Variants in SERHL2 observed in about 807,000 individuals in gnomAD.
SERHL2 encodes serine hydrolase like 2.
SERHL2 carries 29 observed loss-of-function variants against 25.5 expected under a neutral mutation model. The observed-to-expected ratio is 1.14, with a 90% CI of 0.85 to 1.55. The LOEUF is 1.55. Ranked by LOEUF, SERHL2 falls within the 40% of genes most tolerant of loss-of-function variation. The pLI is 0.00. For missense variants in SERHL2, 240 were observed against 252.3 expected, an observed-to-expected ratio of 0.95 and a Z score of 0.33; for synonymous variants, 95 against 103.5, an observed-to-expected ratio of 0.92 and a Z score of 0.50.
At chr22:42,565,706 G>A (rs893647452) in intron 8 of SERHL2, among the ~76,000 whole-genome samples, 7 of 151,550 alleles carry the variant, frequency 4.6e-5, no homozygotes, top group East Asian at 1.9e-4. Context: ...CTCCCACTTC[G>A]GCCTCCCAAA....
intron 8 of SERHL2, among the ~76,000 whole-genome samples, chr22:42,564,716 C>T (rs1039055862): frequency 6.6e-6 from 1 of 151,956 alleles, no homozygotes; most frequent in African/African-American, 2.4e-5. Context: ...CAGGTGTGAG[C>T]CACCGCACCC....
chr22:42,565,200 C>T lies in SERHL2; in HGVS notation c.614-1104C>T, dbSNP rs539565915. 6 of 153,052 alleles carry T rather than the reference C, an allele frequency of 3.9e-5. No homozygotes were observed. In the East Asian group the frequency reaches 1.2e-3, roughly 29 times the overall value. 9.5% of individuals were successfully genotyped at this position (153,052 alleles called of 1,614,324 possible). On this transcript the variant is annotated intron_variant, in intron 8 of 11. Coordinates refer to ENST00000327678, the MANE Select transcript of SERHL2 (RefSeq NM_014509.5). ...GATGGTCGTCCTCTTCGACCGAGTG[C>T]ACAGTTTCGGGAGGGACGCACATGG...
chr22:42,571,104 T>G lies in SERHL2; in HGVS notation c.649-17T>G. The G allele has an allele frequency of 6.2e-7, 1 of 1,613,232 alleles. No individual in the cohort carries two copies. On this transcript the variant is annotated splice_polypyrimidine_tract_variant and intron_variant, in intron 9 of 11. Coordinates refer to ENST00000327678, the MANE Select transcript of SERHL2 (RefSeq NM_014509.5). ...TGTGCCTTGTGACGAGAATTCACCA[T>G]GTTTTTGTCTCTGCAGGCAGAGAAC...
At chr22:42,571,937 CGG>C (rs1168621363) in intron 10 of SERHL2, 1 of 5,574 alleles carries the variant, frequency 1.8e-4, no homozygotes, top group Non-Finnish European at 3.2e-4. Flanking sequence ...CTGTTGGGGG[CGG>C]GGGGCGGGGG....
chr22:42,563,349 G>A (rs1922935655), intron 8 of SERHL2: 2 of 382,008 alleles, frequency 5.2e-6, no homozygotes, highest in South Asian at 3.8e-5. Flanking sequence ...GACCACAAGT[G>A]TGCAGACCAC....
chr22:42,573,393 G>T (rs142663021), intron 11 of SERHL2: 3,626 of 152,534 alleles, frequency 0.024, 149 homozygotes, highest in African/African-American at 0.083. Context: ...ACAGGCGCCC[G>T]CCACCACGCC....
At position 42,567,679 on chromosome 22, in the gene SERHL2, AAT is replaced by A. The variant is rs200140550; in HGVS notation, c.648+1343_648+1344del. Among the ~76,000 whole-genome samples the A allele has an allele frequency of 8.3e-5, 10 of 119,830 alleles. No homozygotes were observed. In the East Asian group the frequency reaches 5.8e-3, roughly 70 times the overall value. 78.6% of individuals were successfully genotyped at this position (119,830 alleles called of 152,430 possible). ...GAGCGAGACTCCATGTCAAAAAAAAAATAAATAAATAAAAAAAATAAAAGTTC... is the reference window on the plus strand; with the variant it reads ...GAGCGAGACTCCATGTCAAAAAAAAAAAATAAATAAAAAAAATAAAAGTTC... On this transcript the variant is annotated intron_variant, in intron 9 of 11. Transcript: ENST00000327678.
At chr22:42,567,647 G>A (rs1053844632) in intron 9 of SERHL2, among the ~76,000 whole-genome samples, 10 of 151,068 alleles carry the variant, frequency 6.6e-5, no homozygotes, top group African/African-American at 1.9e-4. Context: ...GTCCGGCCTG[G>A]GCGACAGAGC....
Position 42,572,461 on chromosome 22 carries a change from A to G in SERHL2, c.757A>G (p.Arg253Gly), listed in dbSNP as rs1471688121. ...IKAVHGYFDS[R>G]QNYSEKESLS... The stretch of plus-strand genomic sequence containing the variant: ...AGCAGTCCACGGATATTTTGATTCA[A>G]GACAGAATTACTCTGAGAAGGAGTC... Residue 253 changes from arginine (R) to glycine (G), a missense_variant, in exon 11 of 12, where the codon AGA (arginine) becomes GGA (glycine). This residue lies in a region of SERHL2 where 212 missense variants were observed against 168.9 expected (regional missense o/e 1.25). Coordinates refer to ENST00000327678, the MANE Select transcript of SERHL2 (RefSeq NM_014509.5). The G allele has an allele frequency of 1.2e-6, 2 of 1,611,708 alleles. No individual in the cohort carries two copies. The highest frequency in any genetic ancestry group is 1.7e-4 in the Middle Eastern group (1 of 6,058).
At position 42,574,095 on chromosome 22, in the gene SERHL2, T is replaced by A. The variant is rs1291029949; in HGVS notation, c.*40T>A. On this transcript the variant is annotated 3_prime_UTR_variant, in exon 12 of 12. Transcript: ENST00000327678. Reference sequence around the variant, plus strand: ...CTATGAAGACCTAGTGCTCCCAGACTCAACACTGGGACTCTGAGTTCCTGA... The same window carrying A: ...CTATGAAGACCTAGTGCTCCCAGACACAACACTGGGACTCTGAGTTCCTGA... 1.3e-6 allele frequency: 2 copies of A among 1,587,152 alleles called. No individual in the cohort carries two copies. The highest frequency in any genetic ancestry group is 3.3e-5 in the Admixed American group (2 of 59,760).
At chr22:42,570,287 C>G (rs567667799) in intron 9 of SERHL2, among the ~76,000 whole-genome samples, 1 of 152,038 alleles carries the variant, frequency 6.6e-6, no homozygotes, top group East Asian at 1.9e-4. Context: ...CCTGGTGGCG[C>G]ATGCCTGTAA....
intron 8 of SERHL2, 72 bp from the exon 9 acceptor site, chr22:42,566,232 G>C: frequency 6.7e-7 from 1 of 1,502,952 alleles, no homozygotes; most frequent in Non-Finnish European, 9.2e-7. Flanking sequence ...GAGGGTTCCA[G>C]CAAAGTCACG....
chr22:42,572,619 C>G, intron 11 of SERHL2, 90 bp downstream of exon 11: 1 of 1,529,474 alleles, frequency 6.5e-7, no homozygotes, highest in South Asian at 1.2e-5. Context: ...TGGGAAGACC[C>G]TGGGTCTGCC....
chr22:42,569,350 C>G (rs984643187), intron 9 of SERHL2: 10 of 151,644 alleles, frequency 6.6e-5, no homozygotes, highest in Admixed American at 6.6e-4. Flanking sequence ...CTTCTGCCTC[C>G]CGGGTTCAAG....
At chr22:42,559,229 T>TAAAAAAAAAAAAAAAA (rs1194822216) in intron 7 of SERHL2, among the ~76,000 whole-genome samples, 10 of 69,314 alleles carry the variant, frequency 1.4e-4, no homozygotes, top group East Asian at 1.2e-3. Flanking sequence ...ACCCTGTATT[T>TAAAAAAAAAAAAAAAA]AAAAAAAAAA....
intron 9 of SERHL2, among the ~76,000 whole-genome samples, chr22:42,566,712 A>G (rs1923442408): frequency 6.6e-6 from 1 of 152,188 alleles, no homozygotes; most frequent in East Asian, 1.9e-4. Flanking sequence ...GCACAGGGAA[A>G]AGCTCGAAGT....
intron 8 of SERHL2, among the ~76,000 whole-genome samples, chr22:42,561,066 C>T (rs927307708): frequency 6.6e-6 from 1 of 151,802 alleles, no homozygotes; most frequent in African/African-American, 2.4e-5. Context: ...AGAGTCTGGG[C>T]AGAGGCCTAG....
At chr22:42,565,407 C>A (rs958236347) in intron 8 of SERHL2, 6 of 151,616 alleles carry the variant, frequency 4.0e-5, no homozygotes, top group Admixed American at 6.6e-5. Context: ...CTCACTGCAA[C>A]CTCTGCCTCC....
intron 8 of SERHL2, among the ~76,000 whole-genome samples, chr22:42,566,018 C>T (rs1286031354): frequency 6.6e-6 from 1 of 152,026 alleles, no homozygotes; most frequent in Non-Finnish European, 1.5e-5. Context: ...GCTCCACCGT[C>T]CACGAGGCTA....
Sources: gnomAD v4.1 joint callset for allele counts (sites outside exome capture counted in the v4.1 genomes callset) on GRCh38, gnomAD v4.1.1 for gene constraint, gnomAD v4.1.1 regional missense constraint, MANE v1.5 for transcripts, NCBI Gene and HGNC (gene_info 2026-07-23, HGNC 2026-07-21) for gene names.